Variants in GRIN2A observed in about 807,000 individuals in gnomAD.
GRIN2A encodes the protein glutamate receptor ionotropic, NMDA 2A.
A neutral mutation model predicts 113.4 loss-of-function variants in GRIN2A; 22 were observed. The ratio of observed to expected loss-of-function variants is 0.19; its 90% CI spans 0.14 to 0.28. The LOEUF is 0.28. Ranked by LOEUF, GRIN2A falls within the 10% of genes least tolerant of loss-of-function variation. The pLI, the probability that GRIN2A is intolerant of heterozygous loss-of-function variation, is 1.00. For synonymous variants in GRIN2A, 827 were observed against 738.4 expected (o/e 1.12, Z -1.94); for missense variants, 1,502 against 1,887.0 (o/e 0.80, Z 3.78).
At chr16:9,783,070 T>G (rs1306455844) in intron 11 of GRIN2A, among the ~76,000 whole-genome samples, 5 of 152,238 alleles carry the variant, frequency 3.3e-5, no homozygotes, top group Non-Finnish European at 7.3e-5. Context: ...GACTTAGTTG[T>G]TGGGGCATCA....
At chr16:9,998,637 G>A (rs2046267977) in intron 2 of GRIN2A, among the ~76,000 whole-genome samples, 1 of 152,082 alleles carries the variant, frequency 6.6e-6, no homozygotes, top group Admixed American at 6.5e-5. Context: ...TTGGCAAATT[G>A]CCTTGCAAAA....
intron 2 of GRIN2A, among the ~76,000 whole-genome samples, chr16:9,943,883 T>C (rs2044952876): frequency 6.6e-6 from 1 of 152,226 alleles, no homozygotes; most frequent in South Asian, 2.1e-4. Flanking sequence ...ATCTGAACTT[T>C]AAAGCTGATT....
At position 9,763,309 on chromosome 16, in the gene GRIN2A, C is replaced by G. The variant is rs1900675462; in HGVS notation, c.4235G>C (p.Cys1412Ser). ...ATTGTGGCCCCGACTGTCCCTGGAA[C>G]AGTACGATGCCGTTGACCTCAAGGA... ...RSSLRSTASY[C>S]SRDSRGHNDV... is the part of the protein sequence containing the mutation. The change falls in exon 13 of 13, where the codon TGT becomes TCT. Residue 1412 changes from cysteine to serine, a missense_variant. By Grantham distance (112) the Cys-to-Ser change is moderately radical. Around this residue, in one of 7 missense-constraint regions of GRIN2A, gnomAD observed 832 missense variants for 789.7 expected, o/e 1.05. Transcript: ENST00000330684. The G allele has an allele frequency of 6.2e-7, 1 of 1,614,172 alleles. No homozygotes were observed. The highest frequency in any genetic ancestry group is 8.5e-7 in the Non-Finnish European group (1 of 1,180,028).
chr16:10,145,765 G>A (rs895233259), intron 2 of GRIN2A, among the ~76,000 whole-genome samples: 33 of 152,166 alleles, frequency 2.2e-4, no homozygotes, highest in African/African-American at 7.7e-4. Context: ...GCTTAACTCC[G>A]CTGTTGTAAT....
At chr16:9,897,155 T>C (rs2043822769) in intron 3 of GRIN2A, among the ~76,000 whole-genome samples, 1 of 151,836 alleles carries the variant, frequency 6.6e-6, no homozygotes, top group Admixed American at 6.6e-5. Flanking sequence ...AAGTGCTAAG[T>C]TGTTTTTTAT....
chr16:10,049,437 G>A (rs1453650764), intron 2 of GRIN2A, among the ~76,000 whole-genome samples: 2 of 151,814 alleles, frequency 1.3e-5, no homozygotes, highest in African/African-American at 4.8e-5. Context: ...GAGTGCAGTG[G>A]TGCGATCTCG....
At position 9,763,356 on chromosome 16, in the gene GRIN2A, C is replaced by T. The variant is rs757189822; in HGVS notation, c.4188G>A (p.Val1396=). 2.5e-6 allele frequency: 4 copies of T among 1,614,028 alleles called. No homozygotes were observed. In the African/African-American group the frequency reaches 4.0e-5, roughly 16 times the overall value. ...PYKHSLPSQA[V]NDSYLRSSLR... ...AGGACGACCGAAGATAGCTGTCATT[C>T]ACCGCCTGGGATGGCAACGAGTGTT... The change falls in exon 13 of 13, where the codon GTG becomes GTA. Residue 1396 remains valine, a synonymous_variant. Coordinates refer to ENST00000330684, the MANE Select transcript of GRIN2A (RefSeq NM_001134407.3).
chr16:10,162,256 G>C (rs2049821790), intron 2 of GRIN2A, among the ~76,000 whole-genome samples: 1 of 152,228 alleles, frequency 6.6e-6, no homozygotes, highest in Non-Finnish European at 1.5e-5. Flanking sequence ...AACAAAGTCA[G>C]TGTTAGAGCA....
At chr16:9,998,706 A>T (rs2046268931) in intron 2 of GRIN2A, among the ~76,000 whole-genome samples, 1 of 151,824 alleles carries the variant, frequency 6.6e-6, no homozygotes, top group Non-Finnish European at 1.5e-5. Flanking sequence ...TTTCTCAACT[A>T]ATTTCAGAAT....
intron 10 of GRIN2A, among the ~76,000 whole-genome samples, chr16:9,811,381 T>C (rs150518544): frequency 2.0e-5 from 3 of 152,224 alleles, no homozygotes; most frequent in Admixed American, 6.5e-5. Context: ...CTCTATAAAA[T>C]GGAGAAAATG....
At chr16:9,886,778 G>C (rs997572778) in intron 4 of GRIN2A, among the ~76,000 whole-genome samples, 1 of 152,160 alleles carries the variant, frequency 6.6e-6, no homozygotes, top group African/African-American at 2.4e-5. Context: ...TGATCAATAA[G>C]CAATGGATAT....
At chr16:10,098,982 T>C (rs1421807853) in intron 2 of GRIN2A, among the ~76,000 whole-genome samples, 2 of 126,184 alleles carry the variant, frequency 1.6e-5, no homozygotes, top group African/African-American at 6.4e-5. Flanking sequence ...GAAAAATAAA[T>C]AAATAAAACT....
At chr16:9,873,795 C>T (rs572282912) in intron 4 of GRIN2A, among the ~76,000 whole-genome samples, 4 of 152,178 alleles carry the variant, frequency 2.6e-5, no homozygotes, top group African/African-American at 9.7e-5. Flanking sequence ...CCCTGCTTTC[C>T]TATGTTAGAT....
intron 2 of GRIN2A, among the ~76,000 whole-genome samples, chr16:10,177,222 A>T (rs2050166139): frequency 6.6e-6 from 1 of 152,200 alleles, no homozygotes; most frequent in African/African-American, 2.4e-5. Context: ...AGGGCTGTTC[A>T]CCTCTCAGAC....
At chr16:9,975,239 T>C (rs1196275907) in intron 2 of GRIN2A, among the ~76,000 whole-genome samples, 1 of 152,076 alleles carries the variant, frequency 6.6e-6, no homozygotes, top group Non-Finnish European at 1.5e-5. Context: ...CCCAAAGATG[T>C]CCACACCTTT....
chr16:10,122,406 T>C (rs1296729448), intron 2 of GRIN2A, among the ~76,000 whole-genome samples: 1 of 152,156 alleles, frequency 6.6e-6, no homozygotes, highest in African/African-American at 2.4e-5. Flanking sequence ...GGGGCACGGC[T>C]GCAAAGTGAT....
intron 2 of GRIN2A, among the ~76,000 whole-genome samples, chr16:10,044,005 G>GTATATATATATATA (rs749614491): frequency 8.2e-4 from 82 of 100,130 alleles, no homozygotes; most frequent in African/African-American, 1.9e-3. Flanking sequence ...GTGTGTGTGT[G>GTATATATATATATA]TGTATATATA....
intron 2 of GRIN2A, among the ~76,000 whole-genome samples, chr16:9,945,127 T>A (rs141170757): frequency 2.0e-5 from 3 of 152,120 alleles, no homozygotes; most frequent in East Asian, 1.9e-4. Context: ...TTGAAACCAG[T>A]CTGGCCAACC....
At chr16:9,960,530 G>C (rs2045417079) in intron 2 of GRIN2A, among the ~76,000 whole-genome samples, 1 of 152,214 alleles carries the variant, frequency 6.6e-6, no homozygotes, top group Non-Finnish European at 1.5e-5. Flanking sequence ...TAGGTAGGTA[G>C]GGAGAGCATA....
Sources: gnomAD v4.1 joint callset for allele counts (sites outside exome capture counted in the v4.1 genomes callset) on GRCh38, gnomAD v4.1.1 for gene constraint, gnomAD v4.1.1 regional missense constraint, MANE v1.5 for transcripts, NCBI Gene and HGNC (gene_info 2026-07-23, HGNC 2026-07-21) for gene names.